NELL1: variants seen among roughly 807,000 people sequenced by gnomAD.
NELL1 encodes the protein neural EGFL like 1, also known as protein kinase C-binding protein NELL1.
Under a neutral mutation model 107.4 loss-of-function variants are expected in NELL1, and 76 were observed. The ratio of observed to expected loss-of-function variants is 0.71; its 90% CI spans 0.59 to 0.86. The LOEUF is 0.86. NELL1 is among the 40% of genes least tolerant of loss of function. NELL1 has a pLI of 0.00. For synonymous variants in NELL1, 353 were observed against 341.2 expected, an observed-to-expected ratio of 1.03 and a Z score of -0.38; for missense variants, 1,024 against 1,005.5, an observed-to-expected ratio of 1.02 and a Z score of -0.25.
At chr11:20,966,600 A>C (rs1273865263) in intron 12 of NELL1, among the ~76,000 whole-genome samples, 3 of 152,072 alleles carry the variant, frequency 2.0e-5, no homozygotes, top group African/African-American at 7.2e-5. Flanking sequence ...TCCAGTACCC[A>C]GGTATCTGTC....
At chr11:20,793,428 T>G (rs999153550) in intron 3 of NELL1, among the ~76,000 whole-genome samples, 2 of 152,114 alleles carry the variant, frequency 1.3e-5, no homozygotes, top group Non-Finnish European at 2.9e-5. Context: ...ATGTAATTTA[T>G]TGATCTTTTA....
chr11:20,847,057 C>T (rs994452502), intron 3 of NELL1, among the ~76,000 whole-genome samples: 4 of 152,188 alleles, frequency 2.6e-5, no homozygotes, highest in Non-Finnish European at 5.9e-5. Flanking sequence ...CTTTTCTCCC[C>T]TACTCATTAT....
intron 15 of NELL1, among the ~76,000 whole-genome samples, chr11:21,491,874 T>G (rs1005180192): frequency 3.3e-5 from 5 of 152,116 alleles, no homozygotes; most frequent in African/African-American, 4.8e-5. Context: ...TTTATTTCAT[T>G]GAGCAGTGGT....
At chr11:21,438,707 A>T (rs1853198372) in intron 15 of NELL1, among the ~76,000 whole-genome samples, 1 of 151,686 alleles carries the variant, frequency 6.6e-6, no homozygotes, top group African/African-American at 2.4e-5. Flanking sequence ...CAAGTTCAGA[A>T]TTTCTTTCTT....
At chr11:21,549,549 T>C (rs1856526226) in intron 16 of NELL1, among the ~76,000 whole-genome samples, 1 of 151,824 alleles carries the variant, frequency 6.6e-6, no homozygotes, top group African/African-American at 2.4e-5. Context: ...TAGAACGGTG[T>C]CTGACACAGC....
At chr11:21,075,121 A>T (rs1340222402) in intron 12 of NELL1, among the ~76,000 whole-genome samples, 1 of 152,160 alleles carries the variant, frequency 6.6e-6, no homozygotes. Flanking sequence ...GGCATAAAAT[A>T]TTTAGACTTT....
intron 14 of NELL1, among the ~76,000 whole-genome samples, chr11:21,319,514 A>T (rs972295287): frequency 6.4e-5 from 9 of 140,618 alleles, no homozygotes; most frequent in African/African-American, 2.2e-4. Context: ...ATATATATAT[A>T]TATTTTTAGT....
rs181922373 is a variant in NELL1 at position 21,427,113 on chromosome 11, T to G, written c.1645+56165T>G. Among the ~76,000 whole-genome samples, 6 of 152,250 alleles carry G rather than the reference T, an allele frequency of 3.9e-5. No homozygotes were observed. In the East Asian group the frequency reaches 9.6e-4, roughly 24 times the overall value. ...CAGCAGGTGGAAAACAAAGTCAGCA[T>G]GAAACAGGGGAGAGTGAGGACAAGC... On this transcript the variant is annotated intron_variant, in intron 15 of 19. Transcript: ENST00000357134.
chr11:21,137,159 G>A (rs909356860), intron 13 of NELL1, among the ~76,000 whole-genome samples: 2 of 152,148 alleles, frequency 1.3e-5, no homozygotes, highest in African/African-American at 4.8e-5. Context: ...TGGATTACAT[G>A]GAAGAGTTAG....
intron 12 of NELL1, among the ~76,000 whole-genome samples, chr11:21,084,293 T>G (rs902619894): frequency 2.0e-5 from 3 of 152,166 alleles, no homozygotes; most frequent in Admixed American, 6.5e-5. Context: ...ATTTTCTAGT[T>G]TTTCTGGCTG....
intron 15 of NELL1, among the ~76,000 whole-genome samples, chr11:21,442,267 A>G (rs576325200): frequency 1.3e-5 from 2 of 152,262 alleles, no homozygotes; most frequent in Non-Finnish European, 2.9e-5. Flanking sequence ...GTGATTCAGA[A>G]CCCTGCTCCT....
At chr11:21,374,086 A>C (rs1024896971) in intron 15 of NELL1, among the ~76,000 whole-genome samples, 13 of 152,132 alleles carry the variant, frequency 8.5e-5, no homozygotes, top group African/African-American at 3.1e-4. Flanking sequence ...GCTACACTAA[A>C]TCCAGAGATA....
intron 14 of NELL1, among the ~76,000 whole-genome samples, chr11:21,255,305 A>G (rs1358732590): frequency 3.3e-5 from 5 of 152,094 alleles, no homozygotes; most frequent in Non-Finnish European, 7.4e-5. Flanking sequence ...TTCCCAGGAA[A>G]GTAATTGTGT....
chr11:20,712,996 T>G (rs886556811), intron 2 of NELL1, among the ~76,000 whole-genome samples: 3 of 152,236 alleles, frequency 2.0e-5, no homozygotes, highest in African/African-American at 7.2e-5. Context: ...GGACCTCTGG[T>G]TAGCTAGGAT....
intron 15 of NELL1, among the ~76,000 whole-genome samples, chr11:21,452,639 T>G (rs1423424270): frequency 1.3e-5 from 2 of 152,016 alleles, no homozygotes; most frequent in East Asian, 3.9e-4. Context: ...TTTTGTCTAT[T>G]GGTTATTCAT....
chr11:20,814,711 C>A (rs1857585296), intron 3 of NELL1, among the ~76,000 whole-genome samples: 1 of 152,084 alleles, frequency 6.6e-6, no homozygotes, highest in African/African-American at 2.4e-5. Context: ...TTGGTGGGCA[C>A]CTAGATTGAT....
At chr11:20,760,595 A>T (rs1461528199) in intron 2 of NELL1, among the ~76,000 whole-genome samples, 2 of 152,176 alleles carry the variant, frequency 1.3e-5, no homozygotes, top group Non-Finnish European at 2.9e-5. Context: ...GTGTCCAGCC[A>T]GTGGAGGACA....
intron 14 of NELL1, among the ~76,000 whole-genome samples, chr11:21,331,566 C>T (rs1403746313): frequency 6.6e-6 from 1 of 152,026 alleles, no homozygotes; most frequent in Non-Finnish European, 1.5e-5. Flanking sequence ...TGGTAAACTG[C>T]CTGACTCTAC....
intron 12 of NELL1, among the ~76,000 whole-genome samples, chr11:21,090,585 G>A (rs1202759392): frequency 6.6e-6 from 1 of 152,144 alleles, no homozygotes; most frequent in Non-Finnish European, 1.5e-5. Context: ...GGTATATTGA[G>A]CAAGACAAAT....
Sources: gnomAD v4.1 joint callset for allele counts (sites outside exome capture counted in the v4.1 genomes callset) on GRCh38, gnomAD v4.1.1 for gene constraint, MANE v1.5 for transcripts, NCBI Gene and HGNC (gene_info 2026-07-23, HGNC 2026-07-21) for gene names.